Variants in UBR3 observed in about 807,000 individuals in gnomAD.
UBR3 encodes the protein ubiquitin protein ligase E3 component n-recognin 3, also known as E3 ubiquitin-protein ligase UBR3.
UBR3 carries 85 observed loss-of-function variants against 243.2 expected under a neutral mutation model. The ratio of observed to expected loss-of-function variants is 0.35; its 90% CI spans 0.29 to 0.42. UBR3 has a LOEUF of 0.42. UBR3 is among the 10% of genes least tolerant of loss of function. The pLI is 1.00. For missense variants in UBR3, 1,686 were observed against 2,300.8 expected (o/e 0.73, Z 5.47); for synonymous variants, 748 against 799.8 (o/e 0.94, Z 1.09).
intron 5 of UBR3, among the ~76,000 whole-genome samples, chr2:169,889,036 T>C (rs1054129280): frequency 1.3e-5 from 2 of 152,216 alleles, no homozygotes; most frequent in African/African-American, 2.4e-5. Flanking sequence ...GTTCCAAAGA[T>C]TGCCAAATTG....
intron 1 of UBR3, among the ~76,000 whole-genome samples, chr2:169,860,713 T>G (rs1204904157): frequency 3.9e-5 from 6 of 152,192 alleles, no homozygotes; most frequent in African/African-American, 1.4e-4. Flanking sequence ...TAGCCTTGTA[T>G]TAGTCAGGGT....
intron 24 of UBR3, among the ~76,000 whole-genome samples, chr2:169,969,683 G>C (rs548809422): frequency 4.6e-5 from 7 of 151,834 alleles, no homozygotes; most frequent in Non-Finnish European, 1.0e-4. Context: ...CAAGCAGCTG[G>C]GACAACAGGC....
chr2:170,039,237 A>AAT (rs1407907010), intron 31 of UBR3, among the ~76,000 whole-genome samples: 1 of 152,202 alleles, frequency 6.6e-6, no homozygotes, highest in African/African-American at 2.4e-5. Context: ...TTCCAGGCAG[A>AAT]ATGTTCAGCT....
intron 13 of UBR3, among the ~76,000 whole-genome samples, chr2:169,924,597 TAA>T (rs2085834077): frequency 6.6e-6 from 1 of 152,232 alleles, no homozygotes; most frequent in Non-Finnish European, 1.5e-5. Flanking sequence ...TGATTTCTTT[TAA>T]TACCAGCAAT....
intron 33 of UBR3, among the ~76,000 whole-genome samples, chr2:170,060,716 T>C (rs112376690): frequency 4.6e-5 from 7 of 152,254 alleles, no homozygotes; most frequent in South Asian, 2.1e-4. Flanking sequence ...CTTGCTGTAA[T>C]AGTGCTGTAC....
chr2:169,926,827 T>C lies in UBR3; in HGVS notation c.2205-11T>C, dbSNP rs543040597. On this transcript the variant is annotated splice_polypyrimidine_tract_variant and intron_variant, in intron 15 of 38. Coordinates refer to ENST00000272793, the MANE Select transcript of UBR3 (RefSeq NM_172070.4). ...TTTATAAAAATATGTTTCAAATATT[T>C]CTTCTTGTAGATTTAAGGTAGTGGA... 1.3e-6 allele frequency: 2 copies of C among 1,547,026 alleles called. No individual in the cohort carries two copies. Among genetic ancestry groups the C allele is most frequent in the Admixed American group, 4.0e-5 (2 of 50,462 alleles).
intron 5 of UBR3, among the ~76,000 whole-genome samples, chr2:169,886,456 A>C (rs1003959226): frequency 6.6e-6 from 1 of 152,174 alleles, no homozygotes; most frequent in Admixed American, 6.5e-5. Flanking sequence ...ATTGTGTTAA[A>C]TATTGTAACT....
chr2:169,907,852 A>G (rs1001044710), intron 10 of UBR3, among the ~76,000 whole-genome samples: 1 of 151,546 alleles, frequency 6.6e-6, no homozygotes, highest in Non-Finnish European at 1.5e-5. Context: ...GCTCACTGCA[A>G]CCTCTGCCTC....
At chr2:169,855,946 TC>T (rs1462469536) in intron 1 of UBR3, among the ~76,000 whole-genome samples, 3 of 148,318 alleles carry the variant, frequency 2.0e-5, no homozygotes, top group Non-Finnish European at 4.5e-5. Context: ...GCCCCCCACC[TC>T]CCGGACGGGG....
chr2:169,942,522 A>G lies in UBR3; in HGVS notation c.2693A>G (p.Asn898Ser), dbSNP rs1229575889. The G allele has an allele frequency of 6.5e-7, 1 of 1,548,918 alleles. No homozygotes were observed. Among genetic ancestry groups the G allele is most frequent in the African/African-American group, 1.4e-5 (1 of 73,046 alleles). Residue 898 changes from asparagine to serine, a missense_variant, in exon 20 of 39, where the codon AAT (asparagine) becomes AGT (serine). Coordinates refer to ENST00000272793, the MANE Select transcript of UBR3 (RefSeq NM_172070.4). ...FLKQSGKFPG[N>S]PWPPYKKRTS... Reference sequence around the variant, plus strand: ...AAACAGAGTGGAAAATTTCCTGGAAATCCCTGGCCTCCATATAAGAAAAGG... The same window carrying G: ...AAACAGAGTGGAAAATTTCCTGGAAGTCCCTGGCCTCCATATAAGAAAAGG...
At chr2:169,848,140 C>T (rs73972634) in intron 1 of UBR3, among the ~76,000 whole-genome samples, 8,684 of 152,236 alleles carry the variant, frequency 0.057, 457 homozygotes, top group African/African-American at 0.14. Context: ...TCCCATCTAT[C>T]ACAGATTATT....
At position 169,941,230 on chromosome 2, in the gene UBR3, C is replaced by G. The variant is rs137961703; in HGVS notation, c.2664-1263C>G. On this transcript the variant is annotated intron_variant, in intron 19 of 38. Transcript: ENST00000272793. Reference sequence around the variant, plus strand: ...AGGAGTGAGTATAGTACAATGGTCCCCCTCTTATCCTCAGGACATGTTCCA... The same window carrying G: ...AGGAGTGAGTATAGTACAATGGTCCGCCTCTTATCCTCAGGACATGTTCCA... 5.8e-3 allele frequency among the ~76,000 whole-genome samples: 884 copies of G among 152,222 alleles called. 1 individual carries two copies. The highest frequency in any genetic ancestry group is 8.8e-3 in the Non-Finnish European group (600 of 67,998).
rs1255937396 is a variant in UBR3, at chr2:169,857,064, G to GTTTTGTTTTTTT, written c.546-15168_546-15167insGTTTTTTTTTTT. ...ATGATTTCCAGCATAATTTTATTAT[G>GTTTTGTTTTTTT]TTTTTTTTTTTTTTTTTTTTTTTTT... On this transcript the variant is annotated intron_variant, in intron 1 of 38. Transcript: ENST00000272793. Among the ~76,000 whole-genome samples the GTTTTGTTTTTTT allele has an allele frequency of 7.1e-4, 40 of 56,094 alleles. 8 individuals are homozygous for GTTTTGTTTTTTT. The highest frequency in any genetic ancestry group is 1.7e-3 in the East Asian group (2 of 1,150). The allele number at this position is 56,094 out of a possible 152,430, so 36.8% of individuals were successfully genotyped here.
chr2:169,887,110 A>G (rs908894783), intron 5 of UBR3, among the ~76,000 whole-genome samples: 1 of 152,206 alleles, frequency 6.6e-6, no homozygotes, highest in Admixed American at 6.5e-5. Flanking sequence ...AACCATCTGT[A>G]GATTTTGCAG....
chr2:170,055,097 A>G (rs2091303638), intron 32 of UBR3, among the ~76,000 whole-genome samples: 1 of 152,170 alleles, frequency 6.6e-6, no homozygotes, highest in Non-Finnish European at 1.5e-5. Flanking sequence ...AAGGAATTTG[A>G]GACTAGCCTG....
intron 5 of UBR3, among the ~76,000 whole-genome samples, chr2:169,882,473 G>A (rs1390362679): frequency 1.3e-5 from 2 of 149,760 alleles, no homozygotes; most frequent in Non-Finnish European, 3.0e-5. Context: ...GGGTGTGGTG[G>A]CCCATAACTG....
intron 1 of UBR3, among the ~76,000 whole-genome samples, chr2:169,871,285 C>G (rs2083429203): frequency 6.6e-6 from 1 of 151,754 alleles, no homozygotes. Context: ...GACCCTGTCT[C>G]TACAAAAAGT....
At chr2:169,846,492 A>T (rs891434408) in intron 1 of UBR3, among the ~76,000 whole-genome samples, 9 of 152,096 alleles carry the variant, frequency 5.9e-5, no homozygotes, top group Non-Finnish European at 1.3e-4. Flanking sequence ...TGGGTGGATC[A>T]CAAGGTCAGG....
intron 24 of UBR3, among the ~76,000 whole-genome samples, chr2:169,961,037 T>C (rs1305516096): frequency 1.3e-5 from 2 of 152,144 alleles, no homozygotes; most frequent in Non-Finnish European, 1.5e-5. Flanking sequence ...TGTTGCCTTT[T>C]GTTTTCCTTG....
Sources: allele counts gnomAD v4.1 joint callset (sites outside exome capture counted in the v4.1 genomes callset), GRCh38; gene constraint gnomAD v4.1.1; transcripts MANE v1.5; gene names NCBI Gene and HGNC (gene_info 2026-07-23, HGNC 2026-07-21).